The following ELMO1 variants were observed in gnomAD, a reference collection of about 807,000 sequenced individuals.
The protein encoded by ELMO1 is engulfment and cell motility protein 1.
Under a neutral mutation model 98.9 loss-of-function variants are expected in ELMO1, and 26 were observed. That is an observed-to-expected ratio of 0.26 (90% confidence interval 0.19 to 0.36). The LOEUF (loss-of-function observed/expected upper bound fraction) is 0.36, where lower values mean the gene tolerates loss of function less well. Among genes scored for constraint, ELMO1 ranks in the 10% least tolerant of loss-of-function variants. The pLI, the probability that ELMO1 is intolerant of heterozygous loss-of-function variation, is 1.00. For synonymous variants in ELMO1, 346 were observed against 346.0 expected (o/e 1.00, Z 0.00); for missense variants, 627 against 935.2 (o/e 0.67, Z 4.30).
At chr7:36,866,647 G>A (rs1384932656) in intron 20 of ELMO1, among the ~76,000 whole-genome samples, 1 of 152,188 alleles carries the variant, frequency 6.6e-6, no homozygotes, top group Non-Finnish European at 1.5e-5. Flanking sequence ...AGATGCCAAT[G>A]TCTCAGTTTG....
intron 13 of ELMO1, among the ~76,000 whole-genome samples, chr7:37,174,048 C>A (rs1461538343): frequency 1.3e-5 from 2 of 152,262 alleles, no homozygotes; most frequent in East Asian, 3.9e-4. Context: ...CTTGAATCTG[C>A]CCAATTACCT....
At chr7:37,300,992 C>T (rs541003896) in intron 4 of ELMO1, among the ~76,000 whole-genome samples, 7 of 151,928 alleles carry the variant, frequency 4.6e-5, no homozygotes, top group African/African-American at 1.7e-4. Flanking sequence ...CTGGTTTAGT[C>T]TTGGGAGAGT....
rs118148235 is a variant in ELMO1, at chr7:36,952,106, C to T, written c.1438-57089G>A. Among the ~76,000 whole-genome samples the T allele has an allele frequency of 3.9e-5, 6 of 152,258 alleles. No homozygotes were observed. The East Asian group carries it at 7.7e-4, about 20-fold the overall frequency. The stretch of plus-strand genomic sequence containing the variant: ...GGGCATGACTGATGAACAGGTGCAT[C>T]CCACGCAAACCCATGCCAGGGAGGT... On this transcript the variant is annotated intron_variant, in intron 16 of 21. Coordinates refer to ENST00000310758, the MANE Select transcript of ELMO1 (RefSeq NM_014800.11).
intron 4 of ELMO1, among the ~76,000 whole-genome samples, chr7:37,276,294 G>A (rs1796829183): frequency 2.0e-5 from 3 of 152,076 alleles, no homozygotes; most frequent in Admixed American, 6.5e-5. Flanking sequence ...GAGAGAGTTC[G>A]CTGTTTATTA....
intron 1 of ELMO1, among the ~76,000 whole-genome samples, chr7:37,392,145 T>A (rs984427602): frequency 6.6e-5 from 10 of 152,124 alleles, no homozygotes; most frequent in South Asian, 2.1e-4. Flanking sequence ...ATGGTAAACT[T>A]TTTTTTTTAA....
intron 1 of ELMO1, among the ~76,000 whole-genome samples, chr7:37,442,976 C>T (rs1428779941): frequency 2.0e-5 from 3 of 152,204 alleles, no homozygotes. Flanking sequence ...TCTAAGTATG[C>T]TTGTGACATT....
At chr7:36,859,370 A>C (rs1802439671) in intron 21 of ELMO1, among the ~76,000 whole-genome samples, 1 of 152,236 alleles carries the variant, frequency 6.6e-6, no homozygotes, top group Non-Finnish European at 1.5e-5. Flanking sequence ...AGGAACATTT[A>C]TACATAAAAT....
intron 6 of ELMO1, among the ~76,000 whole-genome samples, chr7:37,254,591 C>A (rs752935871): frequency 6.6e-6 from 1 of 152,018 alleles, no homozygotes; most frequent in East Asian, 1.9e-4. Context: ...GAGTAGTGTA[C>A]GCAATGGTAA....
chr7:36,945,535 T>C (rs1228019566), intron 16 of ELMO1, among the ~76,000 whole-genome samples: 1 of 152,196 alleles, frequency 6.6e-6, no homozygotes, highest in Non-Finnish European at 1.5e-5. Context: ...TCAATCAGCT[T>C]TATTAGAGTT....
rs115904452 is a variant in ELMO1 at position 36,921,607 on chromosome 7, C to T, written c.1438-26590G>A. 2.6e-3 allele frequency among the ~76,000 whole-genome samples: 393 copies of T among 152,258 alleles called. 2 individuals are homozygous for T. The highest frequency in any genetic ancestry group is 9.0e-3 in the African/African-American group (374 of 41,540). On this transcript the variant is annotated intron_variant, in intron 16 of 21. Coordinates refer to ENST00000310758, the MANE Select transcript of ELMO1 (RefSeq NM_014800.11). ...GTGGAAGAGGTTCTCTTTCTTGCAC[C>T]TGGCTCAAGAGTCAAGTAAAATTGT...
intron 16 of ELMO1, among the ~76,000 whole-genome samples, chr7:36,928,756 G>C (rs929976174): frequency 2.0e-5 from 3 of 152,244 alleles, no homozygotes; most frequent in Non-Finnish European, 4.4e-5. Context: ...GGCTGTGGGA[G>C]AGGCCTCAGG....
At chr7:36,881,936 A>G (rs1484695256) in intron 18 of ELMO1, among the ~76,000 whole-genome samples, 1 of 152,220 alleles carries the variant, frequency 6.6e-6, no homozygotes, top group Non-Finnish European at 1.5e-5. Flanking sequence ...CAGACAGTGT[A>G]GCCCACCGTC....
At chr7:37,018,030 T>A (rs1794044906) in intron 15 of ELMO1, among the ~76,000 whole-genome samples, 1 of 152,078 alleles carries the variant, frequency 6.6e-6, no homozygotes, top group South Asian at 2.1e-4. Flanking sequence ...TATAACTACA[T>A]AAAGTCCGTA....
chr7:37,217,856 C>G, intron 10 of ELMO1: 2 of 453,320 alleles, frequency 4.4e-6, no homozygotes, highest in East Asian at 7.0e-5. Flanking sequence ...TGTATTTGAA[C>G]GCCCCTGCTG....
intron 6 of ELMO1, among the ~76,000 whole-genome samples, chr7:37,255,522 T>C (rs1270580119): frequency 1.3e-5 from 2 of 152,244 alleles, no homozygotes; most frequent in Admixed American, 6.5e-5. Flanking sequence ...GGCAGTTTCA[T>C]TGTCGAAGTC....
At chr7:36,990,617 C>G (rs944059707) in intron 16 of ELMO1, among the ~76,000 whole-genome samples, 5 of 152,062 alleles carry the variant, frequency 3.3e-5, no homozygotes, top group African/African-American at 1.2e-4. Context: ...TTGGAGCAGG[C>G]ACTGTCAGTA....
chr7:37,439,423 C>T (rs909141016), intron 1 of ELMO1, among the ~76,000 whole-genome samples: 2 of 152,222 alleles, frequency 1.3e-5, no homozygotes, highest in African/African-American at 4.8e-5. Context: ...GATCTGCAAT[C>T]ACGGTAAACA....
At chr7:37,324,086 A>T (rs1390164450) in intron 2 of ELMO1, among the ~76,000 whole-genome samples, 1 of 152,074 alleles carries the variant, frequency 6.6e-6, no homozygotes, top group African/African-American at 2.4e-5. Flanking sequence ...GAGACCCCCC[A>T]GCTGTCAGCC....
chr7:37,382,764 A>G (rs1160444560), intron 1 of ELMO1, among the ~76,000 whole-genome samples: 3 of 151,872 alleles, frequency 2.0e-5, no homozygotes, highest in Admixed American at 6.6e-5. Flanking sequence ...TTTCTTTGTT[A>G]AGATACTAGA....
Sources: gnomAD v4.1 joint callset for allele counts (sites outside exome capture counted in the v4.1 genomes callset) on GRCh38, gnomAD v4.1.1 for gene constraint, MANE v1.5 for transcripts, NCBI Gene and HGNC (gene_info 2026-07-23, HGNC 2026-07-21) for gene names.